VWDE: variants seen among roughly 807,000 people sequenced by gnomAD.
VWDE encodes the protein von Willebrand factor D and EGF domains.
A neutral mutation model predicts 178.4 loss-of-function variants in VWDE; 207 were observed. The ratio of observed to expected loss-of-function variants is 1.16; its 90% CI spans 1.04 to 1.30. The LOEUF is 1.30. Ranked by LOEUF, VWDE falls within the 50% of genes most tolerant of loss-of-function variation. The probability of loss-of-function intolerance (pLI) is 0.00; values close to 1 mark genes in which losing one functional copy is unlikely to be tolerated. For synonymous variants in VWDE, 738 were observed against 651.4 expected, an observed-to-expected ratio of 1.13 and a Z score of -2.02; for missense variants, 2,287 against 1,901.3, an observed-to-expected ratio of 1.20 and a Z score of -3.77.
At chr7:12,363,330 G>C (rs1782682941) in intron 13 of VWDE, among the ~76,000 whole-genome samples, 1 of 152,006 alleles carries the variant, frequency 6.6e-6, no homozygotes. Context: ...GGGATGCATG[G>C]AACAGCATAA....
At position 12,344,198 on chromosome 7, in the gene VWDE, C is replaced by T; in HGVS notation, c.4075G>A (p.Glu1359Lys). The change falls in exon 21 of 29, where the codon GAA becomes AAA. Residue 1359 changes from glutamate (E) to lysine (K), a missense_variant. Transcript: ENST00000275358. The stretch of plus-strand genomic sequence containing the variant: ...GATTTTTAATTTGAATTATCACCTT[C>T]ATCACAGGTTGCTCCACCATGTCCT... ...LPGHGGATCDEEHCNPPCQHG... is the reference protein window; with the variant it reads ...LPGHGGATCDKEHCNPPCQHG... 1 of 1,550,642 alleles carries T rather than the reference C, an allele frequency of 6.4e-7. No individual in the cohort carries two copies. Among genetic ancestry groups the T allele is most frequent in the Non-Finnish European group, 8.7e-7 (1 of 1,146,276 alleles).
intron 28 of VWDE, 117 bp from the exon 29 acceptor site, chr7:12,331,314 T>C: frequency 1.3e-6 from 1 of 776,172 alleles, no homozygotes; most frequent in South Asian, 1.9e-5. Flanking sequence ...TTTGGTTCTG[T>C]TTGCCACTAG....
chr7:12,386,492 C>A (rs372440286), intron 3 of VWDE, among the ~76,000 whole-genome samples: 1 of 152,310 alleles, frequency 6.6e-6, no homozygotes, highest in East Asian at 1.9e-4. Context: ...TCAGGCCTTG[C>A]GCTTTCAAAC....
intron 18 of VWDE, 99 bp downstream of exon 18, chr7:12,356,012 T>C: frequency 2.4e-6 from 2 of 844,500 alleles, no homozygotes; most frequent in Non-Finnish European, 3.7e-6. Context: ...TAAAGATGTG[T>C]ACTAAAATCT....
chr7:12,390,823 A>G (rs1239821845), intron 2 of VWDE, among the ~76,000 whole-genome samples: 1 of 152,028 alleles, frequency 6.6e-6, no homozygotes, highest in Non-Finnish European at 1.5e-5. Context: ...TATGTTTTAA[A>G]TGAACAACTA....
intron 1 of VWDE, among the ~76,000 whole-genome samples, chr7:12,400,060 G>T (rs860221): frequency 0.25 from 38,432 of 152,032 alleles, 5,635 homozygotes; most frequent in African/African-American, 0.41. Flanking sequence ...ATGTATGGAA[G>T]GCTGCTAAAG....
At chr7:12,391,206 T>C (rs1002551207) in intron 2 of VWDE, among the ~76,000 whole-genome samples, 9 of 152,202 alleles carry the variant, frequency 5.9e-5, no homozygotes, top group African/African-American at 1.7e-4. Context: ...ACTGTGTGGA[T>C]AGATTATGAA....
At chr7:12,335,927 C>T (rs1273894476) in intron 27 of VWDE, among the ~76,000 whole-genome samples, 1 of 152,130 alleles carries the variant, frequency 6.6e-6, no homozygotes, top group Admixed American at 6.5e-5. Context: ...ATTATCTCTT[C>T]ACACAAACTA....
At position 12,342,135 on chromosome 7, in the gene VWDE, A is replaced by G; in HGVS notation, c.4194T>C (p.Cys1398=). The G allele has an allele frequency of 1.9e-6, 3 of 1,551,470 alleles. No individual in the cohort carries two copies. Among genetic ancestry groups the G allele is most frequent in the Non-Finnish European group, 8.7e-7 (1 of 1,146,830 alleles). Residue 1398 remains cysteine, a synonymous_variant, in exon 23 of 29, where the codon TGT becomes TGC. Coordinates refer to ENST00000275358, the MANE Select transcript of VWDE (RefSeq NM_001135924.3). ...GTGTAAGACACTGGCCTCCATTTTC[A>G]CAGTGCCTGTTACAAACCACTGAGA... is the stretch of plus-strand genomic sequence containing the variant. ...RCETMVCNRH[C]ENGGQCLTPD... is the part of the protein sequence containing the mutation.
At position 12,357,203 on chromosome 7, in the gene VWDE, T is replaced by A; in HGVS notation, c.3525+62A>T. The stretch of plus-strand genomic sequence containing the variant: ...TAGCAATATGGCTTGTATTTTAAAT[T>A]CAAATAAAGTTGTTAAAATTGCAAA... On this transcript the variant is annotated intron_variant, in intron 17 of 28. Coordinates refer to ENST00000275358, the MANE Select transcript of VWDE (RefSeq NM_001135924.3). 2.6e-6 allele frequency: 4 copies of A among 1,512,432 alleles called. No individual in the cohort carries two copies. The South Asian group carries it at 5.1e-5, about 19-fold the overall frequency. 93.7% of individuals were successfully genotyped at this position (1,512,432 alleles called of 1,614,324 possible). A position where few individuals can be genotyped will look rare whatever the true frequency, so the allele number is the denominator to read the frequency against.
chr7:12,369,614 C>T lies in VWDE; in HGVS notation c.2692G>A (p.Gly898Arg), dbSNP rs1230256385. 9.0e-6 allele frequency: 14 copies of T among 1,551,306 alleles called. No homozygotes were observed. Among genetic ancestry groups the T allele is most frequent in the South Asian group, 4.8e-5 (4 of 84,044 alleles). The change falls in exon 12 of 29, where the codon GGG (glycine) becomes AGG (arginine). Residue 898 changes from glycine (G) to arginine (R), a missense_variant. Transcript: ENST00000275358. The part of the protein sequence containing the change: ...LKCPNLCSGN[G>R]QCMEWGCACS... ...GCACACCCCCATTCCATGCACTGCC[C>T]ATTGCCGCTGCATAAATTGGGGCAT...
intron 13 of VWDE, among the ~76,000 whole-genome samples, chr7:12,366,384 C>G (rs1456932593): frequency 6.6e-6 from 1 of 151,702 alleles, no homozygotes; most frequent in East Asian, 1.9e-4. Context: ...GAATATAAAT[C>G]TACAAAATTC....
intron 1 of VWDE, among the ~76,000 whole-genome samples, chr7:12,396,477 T>C (rs1335564016): frequency 1.3e-5 from 2 of 152,234 alleles, no homozygotes; most frequent in Non-Finnish European, 2.9e-5. Context: ...TTTAAAATCT[T>C]ATAACTTCTT....
In VWDE at chr7:12,369,724, T is replaced by A. The variant is rs1457437106; in HGVS notation, c.2582A>T (p.Glu861Val). 1.9e-6 allele frequency: 3 copies of A among 1,551,506 alleles called. No homozygotes were observed. Among genetic ancestry groups the A allele is most frequent in the Non-Finnish European group, 2.6e-6 (3 of 1,146,898 alleles). Residue 861 changes from glutamate to valine, a missense_variant, in exon 12 of 29, where the codon GAA becomes GTA. Physicochemically the swap from Glu to Val is moderately radical, Grantham distance 121. Transcript: ENST00000275358. ...AEAGVALLEN[E>V]CEKRIVEEGK... ...CTCCTCCACAATCCTCTTTTCACAT[T>A]CATTTTCTAAAAGGGCCACACCTGC...
intron 23 of VWDE, among the ~76,000 whole-genome samples, chr7:12,340,636 G>C (rs72586729): frequency 0.033 from 4,970 of 152,250 alleles, 173 homozygotes; most frequent in South Asian, 0.15. Context: ...ATAACACTAA[G>C]CTTAGAAAAG....
rs531424114 is a variant in VWDE, at chr7:12,386,944, T to C, written c.475+2183A>G. On this transcript the variant is annotated intron_variant, in intron 3 of 28. Transcript: ENST00000275358. ...TATGTGTGAAATGATTAGTGCGTTA[T>C]TATTATACTTGTGGAATACTGCCAA... Among the ~76,000 whole-genome samples, 4 of 152,332 alleles carry C rather than the reference T, an allele frequency of 2.6e-5. No individual in the cohort carries two copies. The South Asian group carries it at 8.3e-4, about 32-fold the overall frequency.
intron 18 of VWDE, among the ~76,000 whole-genome samples, chr7:12,352,211 C>T (rs1044324886): frequency 1.3e-5 from 2 of 152,150 alleles, no homozygotes; most frequent in Non-Finnish European, 1.5e-5. Flanking sequence ...CCCAAGCTAA[C>T]GTACCTTCCT....
chr7:12,386,819 C>T (rs1196667050), intron 3 of VWDE, among the ~76,000 whole-genome samples: 3 of 152,114 alleles, frequency 2.0e-5, no homozygotes, highest in Non-Finnish European at 4.4e-5. Flanking sequence ...TGCATGAATA[C>T]TCTGTGCCAT....
At chr7:12,380,439 A>G (rs772440203) in intron 5 of VWDE, 47 bp downstream of exon 5, 1 of 1,524,648 alleles carries the variant, frequency 6.6e-7, no homozygotes. Context: ...TCGTGTTTGA[A>G]AATCAATACA....
Sources: allele counts gnomAD v4.1 joint callset (sites outside exome capture counted in the v4.1 genomes callset), GRCh38; gene constraint gnomAD v4.1.1; transcripts MANE v1.5; gene names NCBI Gene and HGNC (gene_info 2026-07-23, HGNC 2026-07-21).